MYO7B: variants seen among roughly 807,000 people sequenced by gnomAD.
MYO7B encodes unconventional myosin-VIIb.
A neutral mutation model predicts 259.7 loss-of-function variants in MYO7B; 212 were observed. The ratio of observed to expected loss-of-function variants is 0.82; its 90% CI spans 0.73 to 0.91. The LOEUF is 0.91. Ranked by LOEUF, MYO7B falls within the 40% of genes least tolerant of loss-of-function variation. MYO7B has a pLI of 0.00. For synonymous variants in MYO7B, 1,197 were observed against 1,166.4 expected, an observed-to-expected ratio of 1.03 and a Z score of -0.54; for missense variants, 2,732 against 2,813.5, an observed-to-expected ratio of 0.97 and a Z score of 0.66.
chr2:127,591,519 A>G (rs1350153503), intron 16 of MYO7B, among the ~76,000 whole-genome samples: 1 of 152,124 alleles, frequency 6.6e-6, no homozygotes, highest in Admixed American at 6.5e-5. Context: ...GGAGCCAATC[A>G]CCCCCACCAG....
rs749503182 is a variant in MYO7B, at chr2:127,630,873, G to A, written c.4902G>A (p.Leu1634=). The change falls in exon 36 of 48, where the codon CTG becomes CTA. Residue 1634 remains leucine (L), a synonymous_variant. Coordinates refer to ENST00000409816, the MANE Select transcript of MYO7B (RefSeq NM_001393586.1). ...CTGAGGAGCCACCCAAGGAAAAGCT[G>A]CACACCCTGGAGGAGTTCTCCTATG... The part of the protein sequence containing the change: ...PRPEEPPKEK[L]HTLEEFSYEF... The A allele has an allele frequency of 8.1e-6, 13 of 1,605,216 alleles. No homozygotes were observed. Among genetic ancestry groups the A allele is most frequent in the Middle Eastern group, 1.7e-4 (1 of 6,060 alleles).
intron 41 of MYO7B, 114 bp downstream of exon 41, chr2:127,634,403 A>G: frequency 1.0e-6 from 1 of 957,018 alleles, no homozygotes; most frequent in South Asian, 1.7e-5. Flanking sequence ...ACCAGGCTGC[A>G]CGGCCAGGGC....
intron 30 of MYO7B, among the ~76,000 whole-genome samples, chr2:127,624,957 C>T (rs1370771077): frequency 1.3e-5 from 2 of 152,214 alleles, no homozygotes; most frequent in African/African-American, 2.4e-5. Flanking sequence ...GGACCAGGCT[C>T]CAAGAGGCTT....
intron 2 of MYO7B, 114 bp from the exon 3 acceptor site, chr2:127,564,039 C>T: frequency 1.4e-6 from 1 of 705,798 alleles, no homozygotes; most frequent in Non-Finnish European, 2.3e-6. Flanking sequence ...AGACAAGCTC[C>T]AGCCACCTTG....
rs950382991 is a variant in MYO7B, at chr2:127,590,936, G to A, written c.1992+707G>A. ...GATCTGGGTGCAGTAGCTCACGCTT[G>A]TAATCCCAGCACTTTGGGAGGCTGA... On this transcript the variant is annotated intron_variant, in intron 16 of 47. Transcript: ENST00000409816. The surrounding 1 kb of genome is among the most constrained non-coding windows in gnomAD (Gnocchi z 4.6). 1.3e-5 allele frequency among the ~76,000 whole-genome samples: 2 copies of A among 152,388 alleles called. No homozygotes were observed. The highest frequency in any genetic ancestry group is 6.5e-5 in the Admixed American group (1 of 15,310).
rs1305478728 is a variant in MYO7B, at chr2:127,578,268, G to A, written c.985G>A (p.Gly329Arg). ...IKLLAAILHL[G>R]NVGFMASVFE... ...GCTGCTGGCTGCCATTCTCCACCTG[G>A]GGAATGTGGGGTTCATGGGTAATGC... Residue 329 changes from glycine to arginine, a missense_variant, in exon 9 of 48, where the codon GGG (glycine) becomes AGG (arginine). This residue lies in a region of MYO7B where 1,906 missense variants were observed against 2,026.4 expected (regional missense o/e 0.94). Coordinates refer to ENST00000409816, the MANE Select transcript of MYO7B (RefSeq NM_001393586.1). 1 of 1,613,688 alleles carries A rather than the reference G, an allele frequency of 6.2e-7. No individual in the cohort carries two copies. Among genetic ancestry groups the A allele is most frequent in the Non-Finnish European group, 8.5e-7 (1 of 1,179,856 alleles).
Position 127,576,951 on chromosome 2 carries a change from A to G in MYO7B, c.849+243A>G, listed in dbSNP as rs12477670. ...GGCTGGACCCGGGGCCTCCCCGCAG[A>G]CCTCATCTTCCTTTGGTCCCCACTG... On this transcript the variant is annotated intron_variant, in intron 8 of 47. Transcript: ENST00000409816. The surrounding 1 kb of genome is among the most constrained non-coding windows in gnomAD (Gnocchi z 4.9). Among the ~76,000 whole-genome samples, 56,813 of 151,316 alleles carry G rather than the reference A, an allele frequency of 0.38. 12,200 individuals are homozygous for G. The highest frequency in any genetic ancestry group is 0.69 in the East Asian group (3,499 of 5,108).
chr2:127,631,459 G>C (rs1276648686), intron 37 of MYO7B, 96 bp downstream of exon 37: 8 of 1,545,072 alleles, frequency 5.2e-6, no homozygotes, highest in Non-Finnish European at 7.0e-6. Flanking sequence ...GGGCAGGAGA[G>C]CCCAGGAGAT....
chr2:127,568,714 T>A (rs1217289736), intron 5 of MYO7B, among the ~76,000 whole-genome samples: 3 of 151,816 alleles, frequency 2.0e-5, no homozygotes, highest in African/African-American at 4.8e-5. Context: ...CTGGCCAACA[T>A]GGTGAAACCC....
intron 16 of MYO7B, among the ~76,000 whole-genome samples, chr2:127,592,244 A>G (rs2104974575): frequency 6.6e-6 from 1 of 152,132 alleles, no homozygotes. Context: ...AAAATACAAA[A>G]CTTACCCGGG....
At chr2:127,588,318 A>G (rs1679382080) in intron 14 of MYO7B, 74 bp from the exon 15 acceptor site, 1 of 1,543,606 alleles carries the variant, frequency 6.5e-7, no homozygotes, top group Non-Finnish European at 8.8e-7. Context: ...ATTCCCCCAC[A>G]CTGCCCTCTT....
chr2:127,581,681 C>T (rs1348543590), intron 10 of MYO7B, among the ~76,000 whole-genome samples: 1 of 152,178 alleles, frequency 6.6e-6, no homozygotes, highest in Non-Finnish European at 1.5e-5. Flanking sequence ...TCTCAGCCCC[C>T]AGGAGACCCA....
chr2:127,632,030 A>G (rs1681541484), intron 38 of MYO7B, among the ~76,000 whole-genome samples: 1 of 152,194 alleles, frequency 6.6e-6, no homozygotes, highest in Non-Finnish European at 1.5e-5. Flanking sequence ...CTTCCACAAA[A>G]TGGGTGCAAT....
chr2:127,566,138 G>A (rs975777971), intron 4 of MYO7B, among the ~76,000 whole-genome samples: 1 of 152,230 alleles, frequency 6.6e-6, no homozygotes, highest in Non-Finnish European at 1.5e-5. Context: ...GGACACCATG[G>A]TCATGTGGCT....
In MYO7B at chr2:127,636,616, C is replaced by A. The variant is rs750760457; in HGVS notation, c.6195C>A (p.His2065Gln). Reference protein sequence around the residue: ...AINRHGVLLIHPKTKDLLTTY... With the variant: ...AINRHGVLLIQPKTKDLLTTY... ...ACCGACATGGGGTTCTGCTCATCCACCCCAAGACCAAGGTAGCTGCTGGGC... is the reference window on the plus strand; with the variant it reads ...ACCGACATGGGGTTCTGCTCATCCAACCCAAGACCAAGGTAGCTGCTGGGC... Residue 2065 changes from histidine (H) to glutamine (Q), a missense_variant, in exon 46 of 48, where the codon CAC becomes CAA. His to Gln is a conservative substitution (Grantham distance 24, BLOSUM62 0). Coordinates refer to ENST00000409816, the MANE Select transcript of MYO7B (RefSeq NM_001393586.1). The surrounding 1 kb of genome is among the most constrained non-coding windows in gnomAD (Gnocchi z 4.5). 6.2e-7 allele frequency: 1 copy of A among 1,612,472 alleles called. No individual in the cohort carries two copies. Among genetic ancestry groups the A allele is most frequent in the Non-Finnish European group, 8.5e-7 (1 of 1,179,224 alleles).
intron 40 of MYO7B, 91 bp from the exon 41 acceptor site, chr2:127,634,085 A>G (rs1681662911): frequency 1.9e-6 from 2 of 1,028,542 alleles, no homozygotes; most frequent in Non-Finnish European, 2.9e-6. Flanking sequence ...AGTTTCATGA[A>G]GGAGCAAAAG....
At chr2:127,554,370 G>A (rs1439626374) in intron 1 of MYO7B, among the ~76,000 whole-genome samples, 9 of 152,156 alleles carry the variant, frequency 5.9e-5, no homozygotes, top group Non-Finnish European at 8.8e-5. Context: ...CACTGTGCCC[G>A]GACGTATCAC....
Position 127,569,906 on chromosome 2 carries a change from G to C in MYO7B, c.588G>C (p.Leu196=). 8 of 1,611,930 alleles carry C rather than the reference G, an allele frequency of 5.0e-6. No homozygotes were observed. The highest frequency in any genetic ancestry group is 6.8e-6 in the Non-Finnish European group (8 of 1,178,950). ...AGGTCCTGGAAGCCAACCCCATCCT[G>C]GAGGGTAAGCATCACTCTGGGACCC... is the stretch of plus-strand genomic sequence containing the variant. ...EQQVLEANPI[L]EAFGNAKTIR... Residue 196 remains leucine, a synonymous_variant, in exon 6 of 48, where the codon CTG becomes CTC. Transcript: ENST00000409816.
chr2:127,629,563 T>C lies in MYO7B; in HGVS notation c.4625-82T>C. 5.1e-6 allele frequency: 7 copies of C among 1,381,728 alleles called. No homozygotes were observed. In the South Asian group the frequency reaches 6.8e-5, roughly 14 times the overall value. The allele number at this position is 1,381,728 out of a possible 1,614,324, so 85.6% of individuals were successfully genotyped here. On this transcript the variant is annotated intron_variant, in intron 34 of 47. Transcript: ENST00000409816. ...CCACTCTATGCCTCGGTTTCATCTG[T>C]CAAAGGAGATGACCCACAAAATTCC...
Sources: gnomAD v4.1 joint callset for allele counts (sites outside exome capture counted in the v4.1 genomes callset) on GRCh38, gnomAD v4.1.1 for gene constraint, gnomAD v4.1.1 regional missense constraint, Gnocchi (gnomAD v3.1) non-coding constraint, MANE v1.5 for transcripts, NCBI Gene and HGNC (gene_info 2026-07-23, HGNC 2026-07-21) for gene names.